NKD2: variants seen among roughly 807,000 people sequenced by gnomAD.
The protein encoded by NKD2 is protein naked cuticle homolog 2.
In NKD2, 43 loss-of-function variants were observed where a neutral mutation model predicts 34.8. The observed-to-expected ratio is 1.24, with a 90% CI of 0.97 to 1.60. The LOEUF (loss-of-function observed/expected upper bound fraction) is 1.60. Ranked by LOEUF, NKD2 falls within the 40% of genes most tolerant of loss-of-function variation. The pLI is 0.00. For missense variants in NKD2, 675 were observed against 627.1 expected, an observed-to-expected ratio of 1.08 and a Z score of -0.82; for synonymous variants, 278 against 265.1, an observed-to-expected ratio of 1.05 and a Z score of -0.47.
At chr5:1,020,849 G>A (rs558760347) in intron 3 of NKD2, among the ~76,000 whole-genome samples, 1 of 152,094 alleles carries the variant, frequency 6.6e-6, no homozygotes, top group South Asian at 2.1e-4. Context: ...TAGGCTGAGC[G>A]TCCACCCTCG....
At chr5:1,012,260 T>C (rs182792237) in intron 3 of NKD2, among the ~76,000 whole-genome samples, 1 of 152,372 alleles carries the variant, frequency 6.6e-6, no homozygotes, top group Non-Finnish European at 1.5e-5. Flanking sequence ...GAAGTAGTGC[T>C]GAGGAAGGGT....
At chr5:1,029,596 C>T (rs1416518223) in intron 3 of NKD2, among the ~76,000 whole-genome samples, 4 of 152,202 alleles carry the variant, frequency 2.6e-5, no homozygotes, top group Non-Finnish European at 5.9e-5. Context: ...GCACGGGCTG[C>T]GTTTACATTT....
chr5:1,021,421 C>G (rs1431661135), intron 3 of NKD2, among the ~76,000 whole-genome samples: 1 of 142,106 alleles, frequency 7.0e-6, no homozygotes, highest in Non-Finnish European at 1.5e-5. Context: ...CGACCCAGCC[C>G]CCCCCAGCCC....
intron 3 of NKD2, among the ~76,000 whole-genome samples, chr5:1,017,779 G>C (rs919282205): frequency 6.6e-6 from 1 of 152,184 alleles, no homozygotes; most frequent in Non-Finnish European, 1.5e-5. Context: ...GGGTGCTGGG[G>C]TGCGGGTGAG....
intron 9 of NKD2, chr5:1,037,563 C>T: frequency 6.5e-7 from 1 of 1,535,834 alleles, no homozygotes; most frequent in South Asian, 1.2e-5. Flanking sequence ...CCAGGACACA[C>T]AGTGGGGACA....
intron 3 of NKD2, among the ~76,000 whole-genome samples, chr5:1,011,692 C>T (rs1280557601): frequency 2.6e-5 from 4 of 152,210 alleles, no homozygotes; most frequent in Admixed American, 2.6e-4. Flanking sequence ...CTCCGACCTA[C>T]CCTCTCTCCC....
chr5:1,037,864 C>T lies in NKD2; in HGVS notation c.847C>T (p.Arg283Trp), dbSNP rs766766717. Residue 283 changes from arginine (R) to tryptophan (W), a missense_variant, in exon 10 of 10, where the codon CGG becomes TGG. Arg to Trp is a moderately radical substitution (Grantham distance 101). Coordinates refer to ENST00000296849, the MANE Select transcript of NKD2 (RefSeq NM_033120.4). ...PQGRASHLQARSRSQEPDTHA... is the reference protein window; with the variant it reads ...PQGRASHLQAWSRSQEPDTHA... ...GGGCAGGGCCTCGCACCTCCAGGCC[C>T]GGTCCCGCTCCCAGGAGCCAGATAC... 5.1e-5 allele frequency: 82 copies of T among 1,600,976 alleles called. No homozygotes were observed. The highest frequency in any genetic ancestry group is 1.7e-4 in the Admixed American group (10 of 59,580).
In NKD2 at chr5:1,034,097, C is replaced by T. The variant is rs1733668177; in HGVS notation, c.331-138C>T. On this transcript the variant is annotated intron_variant, in intron 5 of 9. Coordinates refer to ENST00000296849, the MANE Select transcript of NKD2 (RefSeq NM_033120.4). ...TGGTTCAGGGCTTGAGCTCCAGCCA[C>T]GCTGCCCTCTAGGCTCCGCCTTTCC... is the stretch of plus-strand genomic sequence containing the variant. 16 of 639,224 alleles carry T rather than the reference C, an allele frequency of 2.5e-5. 1 individual carries two copies. Among genetic ancestry groups the T allele is most frequent in the South Asian group, 5.6e-5 (3 of 53,564 alleles). The allele number at this position is 639,224 out of a possible 1,614,324, so 39.6% of individuals were successfully genotyped here.
At chr5:1,037,144 C>T (rs957206369) in intron 9 of NKD2, among the ~76,000 whole-genome samples, 1 of 152,152 alleles carries the variant, frequency 6.6e-6, no homozygotes, top group Non-Finnish European at 1.5e-5. Flanking sequence ...AGCTGGCAGC[C>T]TGCCCAGCAC....
chr5:1,033,366 C>A lies in NKD2; in HGVS notation c.203-6C>A. ...CCAGCCCCTTCGCCTCCTCTTGTCCCCCTAGTGGCACTCCCCGCTGAGAAA... is the reference window on the plus strand; with the variant it reads ...CCAGCCCCTTCGCCTCCTCTTGTCCACCTAGTGGCACTCCCCGCTGAGAAA... On this transcript the variant is annotated splice_region_variant and splice_polypyrimidine_tract_variant and intron_variant, in intron 4 of 9. Coordinates refer to ENST00000296849, the MANE Select transcript of NKD2 (RefSeq NM_033120.4). 1 of 1,595,954 alleles carries A rather than the reference C, an allele frequency of 6.3e-7. No homozygotes were observed. The highest frequency in any genetic ancestry group is 8.5e-7 in the Non-Finnish European group (1 of 1,171,950).
At position 1,038,433 on chromosome 5, in the gene NKD2, A is replaced by G. The variant is rs977223411; in HGVS notation, c.*60A>G. The G allele has an allele frequency of 6.5e-6, 10 of 1,535,370 alleles. 1 individual carries two copies. The South Asian group carries it at 1.2e-4, about 18-fold the overall frequency. On this transcript the variant is annotated 3_prime_UTR_variant, in exon 10 of 10. Coordinates refer to ENST00000296849, the MANE Select transcript of NKD2 (RefSeq NM_033120.4). This position sits in a 1 kb window ranked among gnomAD's most constrained non-coding sequence, Gnocchi z 4.5. ...CACAGCCCGCGACCTCAGGGCAGGG[A>G]GCAGAGCAGCTGCCGGCTGTGTGCC...
intron 3 of NKD2, among the ~76,000 whole-genome samples, chr5:1,019,582 C>T (rs572360887): frequency 1.3e-5 from 2 of 152,212 alleles, no homozygotes; most frequent in African/African-American, 4.8e-5. Flanking sequence ...GGGCATGCGA[C>T]GGGGGTGCTT....
intron 4 of NKD2, among the ~76,000 whole-genome samples, chr5:1,032,873 G>A (rs146031479): frequency 2.0e-4 from 30 of 152,342 alleles, no homozygotes; most frequent in African/African-American, 7.0e-4. Context: ...GGAGAATAAC[G>A]GAATAATTGT....
In NKD2 at chr5:1,009,648, C is replaced by T. The variant is rs1755673272; in HGVS notation, c.141+88C>T. 8.8e-7 allele frequency: 1 copy of T among 1,140,916 alleles called. No individual in the cohort carries two copies. The allele number at this position is 1,140,916 out of a possible 1,614,324, so 70.7% of individuals were successfully genotyped here. On this transcript the variant is annotated intron_variant, in intron 3 of 9. Transcript: ENST00000296849. This position sits in a 1 kb window ranked among gnomAD's most constrained non-coding sequence, Gnocchi z 6.9. ...CAGAGCTGTTCCTGGTGCCCGCCCG[C>T]GGACAGGCGAGACGTGGGCCGCCAT...
At chr5:1,016,233 C>A (rs902695617) in intron 3 of NKD2, among the ~76,000 whole-genome samples, 1 of 152,248 alleles carries the variant, frequency 6.6e-6, no homozygotes, top group African/African-American at 2.4e-5. Context: ...CTTGCAGAGA[C>A]CCCGATCCGC....
Position 1,009,018 on chromosome 5 carries a change from T to G in NKD2, c.-40T>G, listed in dbSNP as rs1426370380. The G allele has an allele frequency of 2.3e-6, 1 of 440,602 alleles. No homozygotes were observed. Among genetic ancestry groups the G allele is most frequent in the Non-Finnish European group, 4.0e-6 (1 of 251,862 alleles). 27.3% of individuals were successfully genotyped at this position (440,602 alleles called of 1,614,324 possible). Reference sequence around the variant, plus strand: ...CGGCCCCGGCTTCAGAACTCAGCCCTGCACCTGAGCGCGGGGCCCGGCGGG... The same window carrying G: ...CGGCCCCGGCTTCAGAACTCAGCCCGGCACCTGAGCGCGGGGCCCGGCGGG... On this transcript the variant is annotated 5_prime_UTR_variant, in exon 1 of 10. Transcript: ENST00000296849. This position sits in a 1 kb window ranked among gnomAD's most constrained non-coding sequence, Gnocchi z 6.9.
chr5:1,032,993 T>G lies in NKD2; in HGVS notation c.203-379T>G, dbSNP rs1008568549. On this transcript the variant is annotated intron_variant, in intron 4 of 9. Transcript: ENST00000296849. ...TGGCCTGTGTGGCCTGTGGGCTCAG[T>G]GCTAGGATTCTGGAGTGGAGGGCCG... 2.6e-5 allele frequency among the ~76,000 whole-genome samples: 4 copies of G among 151,836 alleles called. No individual in the cohort carries two copies. The South Asian group carries it at 6.2e-4, about 24-fold the overall frequency.
chr5:1,019,502 C>T (rs2150732192), intron 3 of NKD2, among the ~76,000 whole-genome samples: 1 of 152,328 alleles, frequency 6.6e-6, no homozygotes, highest in Non-Finnish European at 1.5e-5. Flanking sequence ...CTGGGCCCTC[C>T]TTTCATCTCG....
At chr5:1,024,521 T>C (rs1185118236) in intron 3 of NKD2, among the ~76,000 whole-genome samples, 23 of 58,070 alleles carry the variant, frequency 4.0e-4, no homozygotes, top group African/African-American at 1.0e-3. Flanking sequence ...TCTGTGGGCG[T>C]CCCAGCCCAT....
Sources: gnomAD v4.1 joint callset for allele counts (sites outside exome capture counted in the v4.1 genomes callset) on GRCh38, gnomAD v4.1.1 for gene constraint, Gnocchi (gnomAD v3.1) non-coding constraint, MANE v1.5 for transcripts, NCBI Gene and HGNC (gene_info 2026-07-23, HGNC 2026-07-21) for gene names.